CARMIL1: variants seen among roughly 807,000 people sequenced by gnomAD.
CARMIL1 encodes capping protein regulator and myosin 1 linker 1, also known as F-actin-uncapping protein LRRC16A.
A neutral mutation model predicts 177.1 loss-of-function variants in CARMIL1; 90 were observed. That is an observed-to-expected ratio of 0.51 (90% CI 0.43 to 0.61). CARMIL1 has a LOEUF of 0.61. CARMIL1 is among the 20% of genes least tolerant of loss of function. The pLI is 0.00. For missense variants in CARMIL1, 1,380 were observed against 1,667.0 expected, an observed-to-expected ratio of 0.83 and a Z score of 3.00; for synonymous variants, 577 against 606.2, an observed-to-expected ratio of 0.95 and a Z score of 0.71.
Position 25,581,401 on chromosome 6 carries a change from C to G in CARMIL1, c.2968C>G (p.Pro990Ala). The G allele has an allele frequency of 6.2e-7, 1 of 1,612,892 alleles. No homozygotes were observed. Among genetic ancestry groups the G allele is most frequent in the Non-Finnish European group, 8.5e-7 (1 of 1,179,514 alleles). Residue 990 changes from proline to alanine, a missense_variant, in exon 31 of 37, where the codon CCA becomes GCA. By Grantham distance (27) the Pro-to-Ala change is conservative. Transcript: ENST00000329474. Reference sequence around the variant, plus strand: ...GCTGGAACACTTTACCAAGTTAAGGCCAAAAAGGAATAAGAAGCAGCAACC... The same window carrying G: ...GCTGGAACACTTTACCAAGTTAAGGGCAAAAAGGAATAAGAAGCAGCAACC... Reference protein sequence around the residue: ...KKLEHFTKLRPKRNKKQQPTQ... With the variant: ...KKLEHFTKLRAKRNKKQQPTQ...
chr6:25,435,672 A>T, intron 5 of CARMIL1, 68 bp downstream of exon 5: 1 of 1,477,354 alleles, frequency 6.8e-7, no homozygotes, highest in Non-Finnish European at 9.0e-7. Context: ...AAATACAACA[A>T]TGCCTTCTTT....
chr6:25,332,206 A>G (rs79462418), intron 2 of CARMIL1, among the ~76,000 whole-genome samples: 7,858 of 152,254 alleles, frequency 0.052, 284 homozygotes, highest in Non-Finnish European at 0.086. Context: ...TAATAGTCAT[A>G]AAAGTAGTGA....
intron 33 of CARMIL1, among the ~76,000 whole-genome samples, chr6:25,602,296 A>G (rs1181131612): frequency 6.6e-6 from 1 of 152,218 alleles, no homozygotes; most frequent in Non-Finnish European, 1.5e-5. Context: ...ATTCTGGATA[A>G]TACTACAACC....
rs184888406 is a variant in CARMIL1, at chr6:25,455,086, C to T, written c.614+4375C>T. 3.2e-4 allele frequency among the ~76,000 whole-genome samples: 48 copies of T among 152,194 alleles called. No individual in the cohort carries two copies. The East Asian group carries it at 6.7e-3, about 21-fold the overall frequency. On this transcript the variant is annotated intron_variant, in intron 8 of 36. Transcript: ENST00000329474. ...CACTGTGATGGTTGGTTCCTATGTT[C>T]CCTATTTGAACATATTTGAACATAT...
intron 2 of CARMIL1, among the ~76,000 whole-genome samples, chr6:25,382,184 G>A (rs1398055821): frequency 4.6e-5 from 7 of 152,030 alleles, no homozygotes; most frequent in African/African-American, 1.4e-4. Context: ...TGCAACCTCC[G>A]CCTTTCTGGT....
intron 31 of CARMIL1, among the ~76,000 whole-genome samples, chr6:25,589,029 AG>A (rs1450240676): frequency 6.6e-6 from 1 of 152,240 alleles, no homozygotes; most frequent in East Asian, 1.9e-4. Context: ...CCTGGGTAAT[AG>A]GTTTTCTCCT....
Position 25,504,712 on chromosome 6 carries a change from T to C in CARMIL1, c.1395+4477T>C, listed in dbSNP as rs185432605. On this transcript the variant is annotated intron_variant, in intron 17 of 36. Coordinates refer to ENST00000329474, the MANE Select transcript of CARMIL1 (RefSeq NM_017640.6). The stretch of plus-strand genomic sequence containing the variant: ...TAATTATATCATCACCTCTCTTTCT[T>C]TCCCTTGGTCTTTTAGTACTGAAAA... 1.6e-4 allele frequency among the ~76,000 whole-genome samples: 25 copies of C among 152,308 alleles called. No individual in the cohort carries two copies. In the East Asian group the frequency reaches 4.8e-3, roughly 29 times the overall value.
At chr6:25,456,998 T>A (rs888082510) in intron 8 of CARMIL1, among the ~76,000 whole-genome samples, 13 of 148,536 alleles carry the variant, frequency 8.8e-5, no homozygotes, top group Middle Eastern at 3.4e-3. Flanking sequence ...TTTTTTTTTT[T>A]AATTCCTGGT....
intron 29 of CARMIL1, among the ~76,000 whole-genome samples, chr6:25,573,689 C>T (rs948878715): frequency 6.7e-6 from 1 of 149,506 alleles, no homozygotes; most frequent in East Asian, 2.0e-4. Context: ...TGGCTTTTTT[C>T]CCCTTCACCC....
intron 2 of CARMIL1, among the ~76,000 whole-genome samples, chr6:25,314,560 G>GTATGTATACATTCACACACATATA (rs1784127767): frequency 1.3e-5 from 2 of 151,206 alleles, no homozygotes; most frequent in African/African-American, 4.9e-5. Context: ...ACATATATAT[G>GTATGTATACATTCACACACATATA]TATGTATACA....
intron 2 of CARMIL1, among the ~76,000 whole-genome samples, chr6:25,310,915 A>G (rs746683911): frequency 6.6e-6 from 1 of 152,092 alleles, no homozygotes; most frequent in Non-Finnish European, 1.5e-5. Context: ...ACTTCTATAA[A>G]ACATGGTGGG....
chr6:25,606,360 G>T, intron 35 of CARMIL1, 87 bp downstream of exon 35: 1 of 1,282,214 alleles, frequency 7.8e-7, no homozygotes, highest in Non-Finnish European at 1.1e-6. Context: ...GGTTTCAGGG[G>T]CAGCTGGTGA....
At chr6:25,451,549 T>A (rs1798927568) in intron 8 of CARMIL1, among the ~76,000 whole-genome samples, 1 of 152,216 alleles carries the variant, frequency 6.6e-6, no homozygotes, top group African/African-American at 2.4e-5. Flanking sequence ...AGATCTTGAC[T>A]TGAATATATT....
chr6:25,542,831 A>C (rs1302585835), intron 26 of CARMIL1, among the ~76,000 whole-genome samples: 3 of 152,124 alleles, frequency 2.0e-5, no homozygotes, highest in Non-Finnish European at 4.4e-5. Flanking sequence ...TTTCCAATGC[A>C]TTGATTTTCT....
At chr6:25,516,707 T>C (rs1037065692) in intron 21 of CARMIL1, among the ~76,000 whole-genome samples, 5 of 152,234 alleles carry the variant, frequency 3.3e-5, no homozygotes, top group African/African-American at 1.2e-4. Flanking sequence ...CCCTGAAGTA[T>C]ACACATTCTG....
In CARMIL1 at chr6:25,540,067, G is replaced by T; in HGVS notation, c.2317G>T (p.Glu773Ter). 2 of 1,603,218 alleles carry T rather than the reference G, an allele frequency of 1.2e-6. No individual in the cohort carries two copies. The highest frequency in any genetic ancestry group is 2.3e-5 in the South Asian group (2 of 88,316). ...MAGEVTRVVD[E>*]QLKALLESMV... Reference sequence around the variant, plus strand: ...TGGAGAAGTTACAAGAGTAGTAGATGAACAACTAAAGGTTTGTGGGGTTTG... The same window carrying T: ...TGGAGAAGTTACAAGAGTAGTAGATTAACAACTAAAGGTTTGTGGGGTTTG... Residue 773 changes from glutamate to a stop codon, truncating the protein, a stop_gained, in exon 26 of 37, where the codon GAA (glutamate) becomes TAA (stop). Coordinates refer to ENST00000329474, the MANE Select transcript of CARMIL1 (RefSeq NM_017640.6). LOFTEE classifies it high-confidence loss of function.
chr6:25,279,603 T>G lies in CARMIL1; in HGVS notation c.-193T>G. 1.6e-6 allele frequency: 1 copy of G among 612,050 alleles called. No homozygotes were observed. The highest frequency in any genetic ancestry group is 2.9e-6 in the Non-Finnish European group (1 of 343,332). 37.9% of individuals were successfully genotyped at this position (612,050 alleles called of 1,614,324 possible). On this transcript the variant is annotated 5_prime_UTR_variant, in exon 1 of 37. It adds an upstream start codon to the 5' untranslated region. Coordinates refer to ENST00000329474, the MANE Select transcript of CARMIL1 (RefSeq NM_017640.6). The stretch of plus-strand genomic sequence containing the variant: ...CAGCAGCAGCAAATCCGCCTCGCAT[T>G]TGCAACTCTTTTTTTTTTTTTTGGT...
chr6:25,366,205 C>G (rs1233838993), intron 2 of CARMIL1, among the ~76,000 whole-genome samples: 1 of 152,006 alleles, frequency 6.6e-6, no homozygotes, highest in Non-Finnish European at 1.5e-5. Flanking sequence ...CTGTGTTGCC[C>G]AGGCTGATCT....
rs185284254 is a variant in CARMIL1, at chr6:25,288,829, C to T, written c.138+3920C>T. 2.6e-5 allele frequency among the ~76,000 whole-genome samples: 4 copies of T among 152,292 alleles called. No homozygotes were observed. In the East Asian group the frequency reaches 7.7e-4, roughly 29 times the overall value. Reference sequence around the variant, plus strand: ...GGATCTAAAATTCCTAAGGTATGCTCTCCTCAAGTGAAATCAGAAATGCTA... The same window carrying T: ...GGATCTAAAATTCCTAAGGTATGCTTTCCTCAAGTGAAATCAGAAATGCTA... On this transcript the variant is annotated intron_variant, in intron 2 of 36. Coordinates refer to ENST00000329474, the MANE Select transcript of CARMIL1 (RefSeq NM_017640.6).
Sources: allele counts gnomAD v4.1 joint callset (sites outside exome capture counted in the v4.1 genomes callset), GRCh38; gene constraint gnomAD v4.1.1; transcripts MANE v1.5; gene names NCBI Gene and HGNC (gene_info 2026-07-23, HGNC 2026-07-21).